Variants in PARD3B observed in about 807,000 individuals in gnomAD.
The protein encoded by PARD3B is partitioning defective 3 homolog B.
A neutral mutation model predicts 130.2 loss-of-function variants in PARD3B; 103 were observed. The ratio of observed to expected loss-of-function variants is 0.79; its 90% confidence interval spans 0.67 to 0.93. PARD3B has a LOEUF of 0.93. PARD3B is among the 40% of genes least tolerant of loss of function. The pLI, the probability that PARD3B is intolerant of heterozygous loss-of-function variation, is 0.00. For missense variants in PARD3B, 1,609 were observed against 1,499.2 expected (o/e 1.07, Z -1.21); for synonymous variants, 583 against 553.2 (o/e 1.05, Z -0.76).
chr2:204,908,826 T>C (rs565509024), intron 2 of PARD3B, among the ~76,000 whole-genome samples: 80 of 152,342 alleles, frequency 5.3e-4, no homozygotes, highest in African/African-American at 1.5e-3. Context: ...AGATGTTTAC[T>C]TTTTCTGTAG....
intron 18 of PARD3B, among the ~76,000 whole-genome samples, chr2:205,385,492 C>A (rs2045629868): frequency 6.6e-6 from 1 of 152,056 alleles, no homozygotes; most frequent in African/African-American, 2.4e-5. Context: ...CTATAGAGGG[C>A]TTTCTGGAAA....
chr2:205,565,002 G>A (rs2053270710), intron 22 of PARD3B, among the ~76,000 whole-genome samples: 1 of 152,152 alleles, frequency 6.6e-6, no homozygotes, highest in Non-Finnish European at 1.5e-5. Context: ...TAGGAACCTG[G>A]CAATTCTCAC....
At chr2:205,372,219 C>G (rs1030895956) in intron 18 of PARD3B, among the ~76,000 whole-genome samples, 1 of 152,166 alleles carries the variant, frequency 6.6e-6, no homozygotes, top group Non-Finnish European at 1.5e-5. Context: ...GTTTAACTTT[C>G]TGAAGAACTG....
At chr2:205,109,388 G>A (rs1180050237) in intron 5 of PARD3B, among the ~76,000 whole-genome samples, 1 of 152,156 alleles carries the variant, frequency 6.6e-6, no homozygotes, top group African/African-American at 2.4e-5. Context: ...TCAGCAGTCT[G>A]ATTGCAAATA....
chr2:204,743,807 C>G (rs1483384240), intron 2 of PARD3B, among the ~76,000 whole-genome samples: 1 of 152,140 alleles, frequency 6.6e-6, no homozygotes, highest in Non-Finnish European at 1.5e-5. Flanking sequence ...AGTTTCATCC[C>G]CCTAATGCTA....
chr2:205,125,847 C>G lies in PARD3B; in HGVS notation c.1434+110C>G, dbSNP rs2031327210. On this transcript the variant is annotated intron_variant, in intron 10 of 22. Coordinates refer to ENST00000406610, the MANE Select transcript of PARD3B (RefSeq NM_001302769.2). The surrounding 1 kb of genome is among the most constrained non-coding windows in gnomAD (Gnocchi z 4.0). Reference sequence around the variant, plus strand: ...CTAAATCACAGGCTTCATTCATAACCAAAATTGAATCACACTCAGGGTATT... The same window carrying G: ...CTAAATCACAGGCTTCATTCATAACGAAAATTGAATCACACTCAGGGTATT... 2.1e-6 allele frequency: 3 copies of G among 1,411,142 alleles called. No homozygotes were observed. The South Asian group carries it at 4.1e-5, about 19-fold the overall frequency. 87.4% of individuals were successfully genotyped at this position (1,411,142 alleles called of 1,614,324 possible).
Position 205,255,355 on chromosome 2 carries a change from C to T in PARD3B, c.2185+9533C>T, listed in dbSNP as rs1172093937. On this transcript the variant is annotated intron_variant, in intron 16 of 22. Transcript: ENST00000406610. ...ATTCTCACACATACAACACAGAATA[C>T]TAAGCACAGCACAGAATGCTTCAAT... Among the ~76,000 whole-genome samples, 4 of 152,154 alleles carry T rather than the reference C, an allele frequency of 2.6e-5. No homozygotes were observed. The South Asian group carries it at 8.3e-4, about 31-fold the overall frequency.
chr2:205,564,005 G>A lies in PARD3B; in HGVS notation c.3260+10602G>A, dbSNP rs780762699. Among the ~76,000 whole-genome samples, 1 of 152,174 alleles carries A rather than the reference G, an allele frequency of 6.6e-6. No homozygotes were observed. The highest frequency in any genetic ancestry group is 1.5e-5 in the Non-Finnish European group (1 of 68,042). On this transcript the variant is annotated intron_variant, in intron 22 of 22. Coordinates refer to ENST00000406610, the MANE Select transcript of PARD3B (RefSeq NM_001302769.2). The surrounding 1 kb of genome is among the most constrained non-coding windows in gnomAD (Gnocchi z 4.6). ...GAACTCTGGCAAGTACTTTAAATAT[G>A]TCACCTCATTTATTTCCTGTAACAA...
rs1175578608 is a variant in PARD3B, at chr2:205,325,462, GACA to G, written c.2630+23766_2630+23768del. On this transcript the variant is annotated intron_variant, in intron 18 of 22. Transcript: ENST00000406610. This position sits in a 1 kb window ranked among gnomAD's most constrained non-coding sequence, Gnocchi z 4.1. Reference sequence around the variant, plus strand: ...TCAAGGGTTCTTTGGAAGCCTTGCTGACAACAATTCTCTCCACACTCAGTACTG... The same window carrying G: ...TCAAGGGTTCTTTGGAAGCCTTGCTGACAATTCTCTCCACACTCAGTACTG... Among the ~76,000 whole-genome samples the G allele has an allele frequency of 3.9e-5, 6 of 151,924 alleles. No homozygotes were observed. Among genetic ancestry groups the G allele is most frequent in the Non-Finnish European group, 5.9e-5 (4 of 67,948 alleles).
chr2:205,282,577 G>T (rs1447842257), intron 16 of PARD3B, among the ~76,000 whole-genome samples: 2 of 137,746 alleles, frequency 1.5e-5, no homozygotes, highest in Non-Finnish European at 3.3e-5. Flanking sequence ...CCCCAATCAT[G>T]TTTCTTAGAT....
rs770976352 is a variant in PARD3B, at chr2:204,784,790, C to A, written c.222+98508C>A. Among the ~76,000 whole-genome samples the A allele has an allele frequency of 3.0e-4, 45 of 152,146 alleles. 1 individual carries two copies. Among genetic ancestry groups the A allele is most frequent in the South Asian group, 4.2e-4 (2 of 4,812 alleles). ...ATTTTTATAACTACTTATTTGTTAC[C>A]CACCTTTCCTTGACAAAGATGAGAT... On this transcript the variant is annotated intron_variant, in intron 2 of 22. Coordinates refer to ENST00000406610, the MANE Select transcript of PARD3B (RefSeq NM_001302769.2).
chr2:205,172,936 TACAC>T (rs2035256840), intron 12 of PARD3B, among the ~76,000 whole-genome samples: 1 of 152,110 alleles, frequency 6.6e-6, no homozygotes, highest in Non-Finnish European at 1.5e-5. Flanking sequence ...TATTTTCACT[TACAC>T]ATGGAGTCTA....
chr2:205,367,298 T>C (rs2044646103), intron 18 of PARD3B, among the ~76,000 whole-genome samples: 1 of 152,224 alleles, frequency 6.6e-6, no homozygotes, highest in Non-Finnish European at 1.5e-5. Flanking sequence ...TAGTGTTGTT[T>C]ATATGAAGAG....
intron 2 of PARD3B, among the ~76,000 whole-genome samples, chr2:204,874,804 C>G (rs896628347): frequency 1.3e-5 from 2 of 152,100 alleles, no homozygotes; most frequent in Admixed American, 6.6e-5. Context: ...TAGCTTGGTT[C>G]TACAAGTGCA....
intron 1 of PARD3B, among the ~76,000 whole-genome samples, chr2:204,565,098 G>T (rs1217643759): frequency 6.6e-6 from 1 of 152,136 alleles, no homozygotes; most frequent in South Asian, 2.1e-4. Context: ...GTTTCTGTAG[G>T]ATTGAGGGGC....
At chr2:205,365,380 C>CGG (rs1553686059) in intron 18 of PARD3B, among the ~76,000 whole-genome samples, 1 of 45,626 alleles carries the variant, frequency 2.2e-5, no homozygotes, top group Non-Finnish European at 5.1e-5. Flanking sequence ...GACTCCGTCT[C>CGG]AGAAAAAAAA....
intron 2 of PARD3B, among the ~76,000 whole-genome samples, chr2:204,958,444 G>T (rs995069176): frequency 6.6e-6 from 1 of 152,174 alleles, no homozygotes. Context: ...GTACTGTATT[G>T]TCTAAGGGTT....
At chr2:205,358,083 C>T (rs1484624216) in intron 18 of PARD3B, among the ~76,000 whole-genome samples, 1 of 152,156 alleles carries the variant, frequency 6.6e-6, no homozygotes, top group Non-Finnish European at 1.5e-5. Flanking sequence ...CCTTTTTGGT[C>T]CCTTAAAATT....
chr2:205,295,714 A>AT (rs1474742741), intron 16 of PARD3B, among the ~76,000 whole-genome samples: 2 of 152,148 alleles, frequency 1.3e-5, no homozygotes, highest in Non-Finnish European at 2.9e-5. Context: ...TTATTGTGAG[A>AT]TTTTTAATGC....
Sources: allele counts gnomAD v4.1 joint callset (sites outside exome capture counted in the v4.1 genomes callset), GRCh38; gene constraint gnomAD v4.1.1; non-coding constraint Gnocchi (gnomAD v3.1); transcripts MANE v1.5; gene names NCBI Gene and HGNC (gene_info 2026-07-23, HGNC 2026-07-21).